Variants in FRY observed in about 807,000 individuals in gnomAD.
FRY encodes the protein protein furry homolog.
A neutral mutation model predicts 348.4 loss-of-function variants in FRY; 128 were observed. The ratio of observed to expected loss-of-function variants is 0.37; its 90% CI spans 0.32 to 0.43. The LOEUF is 0.43. Among genes scored for constraint, FRY ranks in the 20% least tolerant of loss-of-function variants. The probability of loss-of-function intolerance (pLI) is 1.00; values close to 1 mark genes in which losing one functional copy is unlikely to be tolerated. For missense variants in FRY, 2,736 were observed against 3,695.2 expected (o/e 0.74, Z 6.73); for synonymous variants, 1,370 against 1,374.7 (o/e 1.00, Z 0.08).
chr13:32,065,604 C>A (rs9533336), intron 1 of FRY, among the ~76,000 whole-genome samples: 5,186 of 146,956 alleles, frequency 0.035, 94 homozygotes, highest in African/African-American at 0.041. Flanking sequence ...CAGCGCCCGA[C>A]CAAAAAAATT....
chr13:32,070,626 A>G (rs111406556), intron 1 of FRY, among the ~76,000 whole-genome samples: 28 of 150,498 alleles, frequency 1.9e-4, no homozygotes, highest in Non-Finnish European at 3.4e-4. Flanking sequence ...CCTTTGTCAG[A>G]TGGGTAGATT....
chr13:32,202,237 T>C, intron 30 of FRY, 119 bp from the exon 31 acceptor site: 1 of 886,566 alleles, frequency 1.1e-6, no homozygotes, highest in Non-Finnish European at 1.9e-6. Context: ...CCTTTAATTC[T>C]ATTTTTAAAT....
At position 32,194,276 on chromosome 13, in the gene FRY, T is replaced by C; in HGVS notation, c.3725T>C (p.Ile1242Thr). The C allele has an allele frequency of 6.2e-7, 1 of 1,614,118 alleles. No homozygotes were observed. Among genetic ancestry groups the C allele is most frequent in the Non-Finnish European group, 8.5e-7 (1 of 1,179,950 alleles). ...YQLASGCFKA[I>T]ATVCGSRNYP... is the part of the protein sequence containing the mutation. ...CTTGCATCTGGCTGCTTCAAAGCCA[T>C]AGCAACTGTGTGTGGAAGCAGGTAC... is the stretch of plus-strand genomic sequence containing the variant. The change falls in exon 29 of 61, where the codon ATA becomes ACA. Residue 1242 changes from isoleucine (I) to threonine (T), a missense_variant. By Grantham distance (89) the Ile-to-Thr change is moderately conservative. Transcript: ENST00000542859.
At chr13:32,243,768 A>G (rs535172468) in intron 46 of FRY, among the ~76,000 whole-genome samples, 2 of 152,180 alleles carry the variant, frequency 1.3e-5, no homozygotes, top group East Asian at 3.9e-4. Context: ...TCAGTTCTTC[A>G]TAGTTAGGAT....
chr13:32,125,129 C>G (rs1593641282), intron 7 of FRY, among the ~76,000 whole-genome samples: 1 of 152,168 alleles, frequency 6.6e-6, no homozygotes, highest in African/African-American at 2.4e-5. Flanking sequence ...ATGGGGTGAC[C>G]AGATTACATT....
chr13:32,144,249 G>C (rs1419585852), intron 11 of FRY, among the ~76,000 whole-genome samples: 1 of 149,014 alleles, frequency 6.7e-6, no homozygotes, highest in Non-Finnish European at 1.5e-5. Context: ...ATAAATGTGT[G>C]CTTCTAAAAA....
chr13:32,242,110 A>G (rs1175854596), intron 46 of FRY, among the ~76,000 whole-genome samples: 1 of 152,220 alleles, frequency 6.6e-6, no homozygotes, highest in Non-Finnish European at 1.5e-5. Flanking sequence ...TTTTGTTGCT[A>G]ATGTTCATAA....
In FRY at chr13:32,078,983, T is replaced by C; in HGVS notation, c.220T>C (p.Phe74Leu). 10 of 1,614,038 alleles carry C rather than the reference T, an allele frequency of 6.2e-6. No homozygotes were observed. The highest frequency in any genetic ancestry group is 8.5e-6 in the Non-Finnish European group (10 of 1,179,916). Residue 74 changes from phenylalanine (F) to leucine (L), a missense_variant, in exon 2 of 61, where the codon TTC (phenylalanine) becomes CTC (leucine). Phe to Leu is a conservative substitution (Grantham distance 22). This residue lies in a region of FRY where 309 missense variants were observed against 418.1 expected (regional missense o/e 0.74). Transcript: ENST00000542859. ...TGTCCTCAAAAGTTTATTTGTCAAC[T>C]TCACCACTCAGGCTGAACGCAAGAT... ...EYVLKSLFVN[F>L]TTQAERKIRI...
In FRY at chr13:32,134,819, G is replaced by A. The variant is rs1183811491; in HGVS notation, c.886-85G>A. Reference sequence around the variant, plus strand: ...CTGTTGATACATGATTGAATTAAGAGCTACTTACTGAAACTTGTTTAAATA... The same window carrying A: ...CTGTTGATACATGATTGAATTAAGAACTACTTACTGAAACTTGTTTAAATA... On this transcript the variant is annotated intron_variant, in intron 8 of 60. Transcript: ENST00000542859. 8 of 831,222 alleles carry A rather than the reference G, an allele frequency of 9.6e-6. No homozygotes were observed. The Admixed American group carries it at 1.4e-4, about 14-fold the overall frequency. The allele number at this position is 831,222 out of a possible 1,614,324, so 51.5% of individuals were successfully genotyped here.
intron 1 of FRY, among the ~76,000 whole-genome samples, chr13:32,063,456 C>A (rs1490865974): frequency 6.6e-6 from 1 of 151,996 alleles, no homozygotes; most frequent in Non-Finnish European, 1.5e-5. Context: ...TTGACCATGA[C>A]CCACAGTAAG....
intron 20 of FRY, 92 bp from the exon 21 acceptor site, chr13:32,178,085 A>G (rs1429434499): frequency 1.5e-6 from 2 of 1,345,494 alleles, no homozygotes; most frequent in South Asian, 2.4e-5. Context: ...CAGCAAAAGC[A>G]CTGTGCAAGA....
chr13:32,061,256 G>C (rs537978298), intron 1 of FRY: 24 of 480,576 alleles, frequency 5.0e-5, no homozygotes, highest in Middle Eastern at 3.3e-4. Flanking sequence ...TCAGCGGATG[G>C]GGGTGGAGGT....
intron 36 of FRY, among the ~76,000 whole-genome samples, chr13:32,223,294 A>C (rs1885411576): frequency 1.3e-5 from 2 of 152,172 alleles, no homozygotes; most frequent in Admixed American, 6.5e-5. Flanking sequence ...AGACTGGAGG[A>C]AAAGCAAATT....
chr13:32,099,200 T>A (rs1876982819), intron 2 of FRY, among the ~76,000 whole-genome samples: 1 of 152,032 alleles, frequency 6.6e-6, no homozygotes, highest in Admixed American at 6.6e-5. Context: ...ACTTTTGCAT[T>A]GTTTCTAATC....
rs751885818 is a variant in FRY, at chr13:32,228,672, G to T, written c.5405+18G>T. 6 of 1,608,952 alleles carry T rather than the reference G, an allele frequency of 3.7e-6. No individual in the cohort carries two copies. The Admixed American group carries it at 1.0e-4, about 27-fold the overall frequency. On this transcript the variant is annotated intron_variant, in intron 40 of 60. Transcript: ENST00000542859. The stretch of plus-strand genomic sequence containing the variant: ...ACGACCAGGTAATAAGGGGTTAGGA[G>T]TCCGCTGCTGTTTGCAGGTTGGTCT...
At chr13:32,036,741 T>C (rs1222929048) in intron 1 of FRY, among the ~76,000 whole-genome samples, 8 of 150,064 alleles carry the variant, frequency 5.3e-5, no homozygotes, top group Middle Eastern at 3.2e-3. Flanking sequence ...GTCATGCACA[T>C]TTTCGATGAA....
At chr13:32,145,646 G>A (rs1375606778) in intron 11 of FRY, among the ~76,000 whole-genome samples, 2 of 147,600 alleles carry the variant, frequency 1.4e-5, no homozygotes, top group South Asian at 2.2e-4. Flanking sequence ...CCGGGTTCAC[G>A]CCATTCTCCT....
intron 3 of FRY, 81 bp from the exon 4 acceptor site, chr13:32,117,253 T>TG: frequency 7.8e-7 from 1 of 1,278,602 alleles, no homozygotes; most frequent in South Asian, 1.2e-5. Context: ...GAGTAGTGCT[T>TG]GGGGTTACTT....
chr13:32,170,168 G>A (rs745668472), intron 17 of FRY, among the ~76,000 whole-genome samples: 12 of 152,184 alleles, frequency 7.9e-5, no homozygotes, highest in Non-Finnish European at 1.8e-4. Flanking sequence ...TTTATACTGA[G>A]CTTCTGGATG....
Sources: gnomAD v4.1 joint callset for allele counts (sites outside exome capture counted in the v4.1 genomes callset) on GRCh38, gnomAD v4.1.1 for gene constraint, gnomAD v4.1.1 regional missense constraint, MANE v1.5 for transcripts, NCBI Gene and HGNC (gene_info 2026-07-23, HGNC 2026-07-21) for gene names.